FBXW10B: variants seen among roughly 807,000 people sequenced by gnomAD.
FBXW10B encodes the protein F-box and WD repeat domain containing 10B, also known as F-box and WD repeat domain containing protein 10B.
the FBXW10B span, chr17:15,596,664 T>G: frequency 3.1e-6 from 5 of 1,613,138 alleles, no homozygotes; most frequent in East Asian, 4.5e-5. Flanking sequence ...CATCCCATAC[T>G]GAAAAGGAGG....
the FBXW10B span, among the ~76,000 whole-genome samples, chr17:15,608,089 A>G: frequency 6.6e-6 from 1 of 151,878 alleles, no homozygotes; most frequent in South Asian, 2.1e-4. Context: ...TCTACCTGAT[A>G]GTACAAAGCA....
the FBXW10B span, chr17:15,595,080 G>A: frequency 1.1e-5 from 4 of 351,624 alleles, no homozygotes; most frequent in South Asian, 4.6e-4. Context: ...GGTGGCTCAT[G>A]CCTGTAATCC....
the FBXW10B span, among the ~76,000 whole-genome samples, chr17:15,609,456 T>C: frequency 2.0e-5 from 3 of 152,036 alleles, no homozygotes; most frequent in Non-Finnish European, 4.4e-5. Context: ...TGAGAATTCA[T>C]TGGCCCTTGC....
At chr17:15,576,444 G>C in the FBXW10B span, among the ~76,000 whole-genome samples, 1 of 152,148 alleles carries the variant, frequency 6.6e-6, no homozygotes. Flanking sequence ...AATATGTGTT[G>C]AATGAAATGA....
At chr17:15,594,906 C>A in the FBXW10B span, 4 of 1,567,690 alleles carry the variant, frequency 2.6e-6, no homozygotes, top group East Asian at 2.3e-5. Context: ...AGAAAAGATA[C>A]CACTGTCTTC....
At chr17:15,610,621 G>T in the FBXW10B span, among the ~76,000 whole-genome samples, 1 of 152,126 alleles carries the variant, frequency 6.6e-6, no homozygotes, top group Non-Finnish European at 1.5e-5. Flanking sequence ...TGTTCTTTCT[G>T]GCTGCTTGTA....
At chr17:15,598,471 A>G in the FBXW10B span, 6 of 1,612,656 alleles carry the variant, frequency 3.7e-6, no homozygotes, top group East Asian at 1.1e-4. Context: ...AAAACAAAGC[A>G]TTTTGGTAAC....
chr17:15,619,458 C>T, the FBXW10B span: 1 of 1,613,836 alleles, frequency 6.2e-7, no homozygotes, highest in South Asian at 1.1e-5. Flanking sequence ...GAATCGGTTC[C>T]CTTCTCACAA....
chr17:15,597,350 G>A, the FBXW10B span, among the ~76,000 whole-genome samples: 2,629 of 151,038 alleles, frequency 0.017, 77 homozygotes, highest in African/African-American at 0.06. Flanking sequence ...AGTTGATGCC[G>A]GGCCCAGTGG....
chr17:15,601,225 C>T, the FBXW10B span, among the ~76,000 whole-genome samples: 126 of 146,058 alleles, frequency 8.6e-4, no homozygotes, highest in Admixed American at 1.4e-3. Flanking sequence ...CTGGCTAACA[C>T]GGTGAAACCC....
chr17:15,606,007 C>A, the FBXW10B span, among the ~76,000 whole-genome samples: 2 of 144,680 alleles, frequency 1.4e-5, 1 homozygote, highest in Non-Finnish European at 3.0e-5. Flanking sequence ...AAAGTATGAA[C>A]AGGATGACCA....
the FBXW10B span, among the ~76,000 whole-genome samples, chr17:15,585,898 A>AGT: frequency 6.6e-6 from 1 of 150,736 alleles, no homozygotes; most frequent in Admixed American, 6.6e-5. Context: ...TCAGGATTGT[A>AGT]GTGGTAAAGC....
chr17:15,578,774 C>T, the FBXW10B span, among the ~76,000 whole-genome samples: 1 of 152,008 alleles, frequency 6.6e-6, no homozygotes, highest in South Asian at 2.1e-4. Flanking sequence ...TACAAATTAC[C>T]CTTAATTTAA....
At chr17:15,613,763 G>T in the FBXW10B span, 10 of 1,613,572 alleles carry the variant, frequency 6.2e-6, no homozygotes, top group Non-Finnish European at 6.8e-6. Context: ...AAAAAAGATG[G>T]ACCCAGAAAC....
chr17:15,615,709 G>T, the FBXW10B span: 5 of 1,613,858 alleles, frequency 3.1e-6, no homozygotes, highest in Non-Finnish European at 4.2e-6. Context: ...GAAGGGATGT[G>T]TGCTGAGTTT....
the FBXW10B span, among the ~76,000 whole-genome samples, chr17:15,589,885 G>T: frequency 6.6e-6 from 1 of 152,256 alleles, no homozygotes; most frequent in Admixed American, 6.5e-5. Context: ...TTACAAATGC[G>T]ATTACACCTT....
At chr17:15,580,429 G>A in the FBXW10B span, among the ~76,000 whole-genome samples, 6 of 150,748 alleles carry the variant, frequency 4.0e-5, no homozygotes, top group East Asian at 1.9e-4. Context: ...GAGCACCAAC[G>A]TTTAAAAAAC....
At chr17:15,568,868 C>T in the FBXW10B span, 7 of 1,231,446 alleles carry the variant, frequency 5.7e-6, no homozygotes, top group East Asian at 3.2e-5. Context: ...CCCTGATTTA[C>T]CCTGGAATCT....
the FBXW10B span, chr17:15,607,723 T>C: frequency 4.5e-6 from 7 of 1,564,442 alleles, no homozygotes; most frequent in East Asian, 2.3e-5. Context: ...CAGTGGTAAC[T>C]TCAAATACCC....
Sources: allele counts gnomAD v4.1 joint callset (sites outside exome capture counted in the v4.1 genomes callset), GRCh38; gene constraint gnomAD v4.1.1; transcripts MANE v1.5; gene names NCBI Gene and HGNC (gene_info 2026-07-23, HGNC 2026-07-21).